Variants in DOC2A observed in about 807,000 individuals in gnomAD.
The protein encoded by DOC2A is double C2-like domain-containing protein alpha.
A neutral mutation model predicts 40.6 loss-of-function variants in DOC2A; 28 were observed. That is an observed-to-expected ratio of 0.69 (90% CI 0.51 to 0.95). The LOEUF is 0.95. Ranked by LOEUF, DOC2A falls within the 40% of genes least tolerant of loss-of-function variation. The pLI is 0.00. For missense variants in DOC2A, 474 were observed against 552.5 expected, an observed-to-expected ratio of 0.86 and a Z score of 1.42; for synonymous variants, 241 against 236.9, an observed-to-expected ratio of 1.02 and a Z score of -0.16.
At position 30,007,194 on chromosome 16, in the gene DOC2A, G is replaced by A; in HGVS notation, c.633C>T (p.Ile211=). ...AGACCGGGACCTGGCGCTCGAGGCAGATGTTAAAATGCTTCTTCTGCGAAG... is the reference window on the plus strand; with the variant it reads ...AGACCGGGACCTGGCGCTCGAGGCAAATGTTAAAATGCTTCTTCTGCGAAG... ...LKPSQKKHFN[I]CLERQVPLAS... is the part of the protein sequence containing the mutation. Residue 211 remains isoleucine, a synonymous_variant, in exon 6 of 11, where the codon ATC becomes ATT. Transcript: ENST00000350119. The A allele has an allele frequency of 6.2e-7, 1 of 1,614,040 alleles. No individual in the cohort carries two copies. The highest frequency in any genetic ancestry group is 1.1e-5 in the South Asian group (1 of 91,086).
In DOC2A at chr16:30,020,332, C is replaced by T. The variant is rs535724697; in HGVS notation, c.-376+851G>A. On this transcript the variant is annotated intron_variant, in intron 1 of 5. Coordinates refer to the DOC2A transcript ENST00000574405. ...GTGCTGGGATCATAGGTGTGAGCAC[C>T]GCGCCTGGCCCAAAAACCACATTAC... Among the ~76,000 whole-genome samples, 6 of 152,264 alleles carry T rather than the reference C, an allele frequency of 3.9e-5. No homozygotes were observed. The East Asian group carries it at 7.7e-4, about 20-fold the overall frequency.
chr16:30,022,763 C>G (rs2070931696), upstream of DOC2A, among the ~76,000 whole-genome samples: 1 of 152,118 alleles, frequency 6.6e-6, no homozygotes, highest in African/African-American at 2.4e-5. Flanking sequence ...TAGTGAAACC[C>G]TGTCTCTACT....
In DOC2A at chr16:30,007,037, C is replaced by T. The variant is rs1053620819; in HGVS notation, c.708G>A (p.Leu236=). ...SAALRGISCY[L]KELEQAEQGQ... ...TCCCCATGAGGTGCCTCACCTCCTT[C>T]AGATAACAGGAGATGCCCCTCAGCG... The change falls in exon 7 of 11, where the codon CTG becomes CTA. Residue 236 remains leucine (L), a synonymous_variant. Transcript: ENST00000350119. The T allele has an allele frequency of 6.2e-7, 1 of 1,613,948 alleles. No individual in the cohort carries two copies. Among genetic ancestry groups the T allele is most frequent in the Middle Eastern group, 1.6e-4 (1 of 6,062 alleles).
chr16:30,011,104 C>A, upstream of DOC2A: 1 of 170,096 alleles, frequency 5.9e-6, no homozygotes, highest in South Asian at 2.1e-4. Flanking sequence ...GGCGCTGGGG[C>A]TGGGGAGGGG....
upstream of DOC2A, chr16:30,012,459 C>T (rs1159510372): frequency 3.3e-5 from 5 of 151,976 alleles, no homozygotes; most frequent in Non-Finnish European, 4.4e-5. Flanking sequence ...TCTGGTTGCA[C>T]GACAACTGAA....
rs754124502 is a variant in DOC2A, at chr16:30,009,555, C to T, written c.265G>A (p.Ala89Thr). The T allele has an allele frequency of 2.9e-5, 45 of 1,550,862 alleles. No individual in the cohort carries two copies. Among genetic ancestry groups the T allele is most frequent in the African/African-American group, 8.2e-5 (6 of 72,986 alleles). ...VDSYDSDDATALGTLEFDLLY... is the reference protein window; with the variant it reads ...VDSYDSDDATTLGTLEFDLLY... ...AGGTCAAACTCCAGCGTGCCTAGGG[C>T]GGCTGGAGAGAGAGGAAAGGCAGCA... Residue 89 changes from alanine (A) to threonine (T), a missense_variant and splice_region_variant, in exon 3 of 11, where the codon GCC (alanine) becomes ACC (threonine). By Grantham distance (58) the Ala-to-Thr change is moderately conservative. Coordinates refer to ENST00000350119, the MANE Select transcript of DOC2A (RefSeq NM_003586.3). This position sits in a 1 kb window ranked among gnomAD's most constrained non-coding sequence, Gnocchi z 4.1.
chr16:30,013,515 G>A (rs1278638013), upstream of DOC2A: 4 of 145,188 alleles, frequency 2.8e-5, no homozygotes, highest in African/African-American at 1.0e-4. Flanking sequence ...ATGGTGGGAG[G>A]ATCTCTTGAG....
chr16:30,013,664 C>G (rs1192097094), upstream of DOC2A: 1 of 144,348 alleles, frequency 6.9e-6, no homozygotes, highest in African/African-American at 2.6e-5. Context: ...AGGATTTTAT[C>G]TTACAGATAT....
chr16:30,016,249 A>T (rs975444449), upstream of DOC2A, among the ~76,000 whole-genome samples: 2 of 150,662 alleles, frequency 1.3e-5, no homozygotes, highest in African/African-American at 4.9e-5. Context: ...GGGTTTCACC[A>T]TGTTGGCCAG....
upstream of DOC2A, among the ~76,000 whole-genome samples, chr16:30,013,969 T>C (rs2070827760): frequency 6.6e-6 from 1 of 151,882 alleles, no homozygotes; most frequent in Non-Finnish European, 1.5e-5. Context: ...CCTGCTTCGG[T>C]CTCCCAAAGT....
At chr16:30,008,914 T>C (rs1015296289) in intron 5 of DOC2A, 82 bp downstream of exon 5, 6 of 975,024 alleles carry the variant, frequency 6.2e-6, no homozygotes, top group Non-Finnish European at 9.9e-6. Flanking sequence ...ACGGGCTTAA[T>C]GGGACATAGA....
In DOC2A at chr16:30,010,279, A is replaced by T. The variant is rs2070744312; in HGVS notation, c.-13-44T>A. ...GCCAGTGAGCCCATCATACCTAGCCATCCTGGCTGAGGGCCAGGCGACGGC... is the reference window on the plus strand; with the variant it reads ...GCCAGTGAGCCCATCATACCTAGCCTTCCTGGCTGAGGGCCAGGCGACGGC... On this transcript the variant is annotated intron_variant, in intron 1 of 10. Coordinates refer to ENST00000350119, the MANE Select transcript of DOC2A (RefSeq NM_003586.3). The surrounding 1 kb of genome is among the most constrained non-coding windows in gnomAD (Gnocchi z 4.2). The T allele has an allele frequency of 6.2e-7, 1 of 1,607,706 alleles. No homozygotes were observed. The highest frequency in any genetic ancestry group is 1.3e-5 in the African/African-American group (1 of 75,040).
In DOC2A at chr16:30,009,896, C is replaced by T; in HGVS notation, c.262+65G>A. 1.3e-6 allele frequency: 2 copies of T among 1,593,912 alleles called. No individual in the cohort carries two copies. Among genetic ancestry groups the T allele is most frequent in the South Asian group, 2.2e-5 (2 of 90,428 alleles). On this transcript the variant is annotated intron_variant, in intron 2 of 10. Coordinates refer to ENST00000350119, the MANE Select transcript of DOC2A (RefSeq NM_003586.3). The surrounding 1 kb of genome is among the most constrained non-coding windows in gnomAD (Gnocchi z 4.1). ...CAGCCAGCAGGGCCCATCCCCCTCTCCCCCCACCACGGCAAGCCTGGAGAC... is the reference window on the plus strand; with the variant it reads ...CAGCCAGCAGGGCCCATCCCCCTCTTCCCCCACCACGGCAAGCCTGGAGAC...
Position 30,006,499 on chromosome 16 carries a change from T to C in DOC2A, c.971A>G (p.Tyr324Cys). The change falls in exon 10 of 11, where the codon TAC becomes TGC. Residue 324 changes from tyrosine (Y) to cysteine (C), a missense_variant. Transcript: ENST00000350119. This position sits in a 1 kb window ranked among gnomAD's most constrained non-coding sequence, Gnocchi z 6.2. ...LNPEFNEEFF[Y>C]EIELSTLATK... is the part of the protein sequence containing the mutation. The stretch of plus-strand genomic sequence containing the variant: ...GGCCAGAGTGGAGAGCTCTATCTCG[T>C]AGAAAAACTCCTAGGGACAAGGCCG... 3.7e-6 allele frequency: 6 copies of C among 1,613,504 alleles called. No homozygotes were observed. The highest frequency in any genetic ancestry group is 5.1e-6 in the Non-Finnish European group (6 of 1,179,890).
At chr16:30,007,137 C>G (rs1470510930) in intron 6 of DOC2A, 36 bp downstream of exon 6, 7 of 1,613,520 alleles carry the variant, frequency 4.3e-6, no homozygotes, top group Non-Finnish European at 5.9e-6. Flanking sequence ...TCCCCAGGGC[C>G]CCCTCCCCTG....
chr16:30,012,472 T>G (rs1195019547), upstream of DOC2A: 2 of 152,092 alleles, frequency 1.3e-5, no homozygotes, highest in Non-Finnish European at 2.9e-5. Flanking sequence ...CAACTGAACA[T>G]ACCTAACACC....
At position 30,006,154 on chromosome 16, in the gene DOC2A, C is replaced by A. The variant is rs370608428; in HGVS notation, c.*32G>T. 9.0e-6 allele frequency: 14 copies of A among 1,554,472 alleles called. No homozygotes were observed. The highest frequency in any genetic ancestry group is 1.1e-5 in the Non-Finnish European group (13 of 1,148,436). On this transcript the variant is annotated 3_prime_UTR_variant, in exon 11 of 11. Transcript: ENST00000350119. The surrounding 1 kb of genome is among the most constrained non-coding windows in gnomAD (Gnocchi z 6.2). ...CGAAGGTTGGGTACTGGACCCGGCT[C>A]GATGGGCCTGTGCCGGGACACTGCT...
chr16:30,009,370 G>A lies in DOC2A; in HGVS notation c.343-94C>T. On this transcript the variant is annotated intron_variant, in intron 3 of 10. Transcript: ENST00000350119. This position sits in a 1 kb window ranked among gnomAD's most constrained non-coding sequence, Gnocchi z 4.1. ...GACCCTGGAGGAGCCCAGAAGGAGGGGGCAAGGGCAGGACGAAGGAGCAGG... is the reference window on the plus strand; with the variant it reads ...GACCCTGGAGGAGCCCAGAAGGAGGAGGCAAGGGCAGGACGAAGGAGCAGG... 8 of 1,491,786 alleles carry A rather than the reference G, an allele frequency of 5.4e-6. No individual in the cohort carries two copies. The highest frequency in any genetic ancestry group is 7.3e-6 in the Non-Finnish European group (8 of 1,093,966). 92.4% of individuals were successfully genotyped at this position (1,491,786 alleles called of 1,614,324 possible).
chr16:30,007,328 C>CCCAGG, intron 5 of DOC2A, 29 bp from the exon 6 acceptor site: 2 of 1,613,424 alleles, frequency 1.2e-6, no homozygotes, highest in South Asian at 2.2e-5. Flanking sequence ...GTCAGGGCCC[C>CCCAGG]TGGGGTACCT....
Sources: gnomAD v4.1 joint callset for allele counts (sites outside exome capture counted in the v4.1 genomes callset) on GRCh38, gnomAD v4.1.1 for gene constraint, Gnocchi (gnomAD v3.1) non-coding constraint, MANE v1.5 for transcripts, NCBI Gene and HGNC (gene_info 2026-07-23, HGNC 2026-07-21) for gene names.